USP40: variants seen among roughly 807,000 people sequenced by gnomAD.
USP40 encodes the protein ubiquitin specific peptidase 40, also known as ubiquitin carboxyl-terminal hydrolase 40.
USP40 carries 143 observed loss-of-function variants against 166.2 expected under a neutral mutation model. That is an observed-to-expected ratio of 0.86 (90% CI 0.75 to 0.99). The LOEUF is 0.99. Among genes scored for constraint, USP40 ranks in the 50% least tolerant of loss-of-function variants. The pLI, the probability that USP40 is intolerant of heterozygous loss-of-function variation, is 0.00. For missense variants in USP40, 1,444 were observed against 1,479.7 expected (o/e 0.98, Z 0.40); for synonymous variants, 498 against 524.0 (o/e 0.95, Z 0.68).
rs1193893443 is a variant in USP40 at position 233,486,822 on chromosome 2, G to A, written c.3198-845C>T. Among the ~76,000 whole-genome samples the A allele has an allele frequency of 6.6e-6, 1 of 152,214 alleles. No homozygotes were observed. The highest frequency in any genetic ancestry group is 1.5e-5 in the Non-Finnish European group (1 of 68,042). Reference sequence around the variant, plus strand: ...CACAGCCCCATGTCCCCATGGGGGAGGGGGCTGCTGGCCAGGGAGTGAGGC... The same window carrying A: ...CACAGCCCCATGTCCCCATGGGGGAAGGGGCTGCTGGCCAGGGAGTGAGGC... On this transcript the variant is annotated intron_variant, in intron 28 of 31. Transcript: ENST00000678225. This position sits in a 1 kb window ranked among gnomAD's most constrained non-coding sequence, Gnocchi z 4.0.
In USP40 at chr2:233,486,462, G is replaced by A. The variant is rs2064956595; in HGVS notation, c.3198-485C>T. Among the ~76,000 whole-genome samples the A allele has an allele frequency of 6.6e-6, 1 of 152,210 alleles. No homozygotes were observed. Among genetic ancestry groups the A allele is most frequent in the Non-Finnish European group, 1.5e-5 (1 of 68,042 alleles). ...TTGGGAAGAGAGACACAGGGCGGGT[G>A]AGACACAAGGCTGCAGCTGTGGGAG... is the stretch of plus-strand genomic sequence containing the variant. On this transcript the variant is annotated intron_variant, in intron 28 of 31. Coordinates refer to ENST00000678225, the MANE Select transcript of USP40 (RefSeq NM_001365479.2). This position sits in a 1 kb window ranked among gnomAD's most constrained non-coding sequence, Gnocchi z 4.0.
Position 233,496,805 on chromosome 2 carries a change from A to G in USP40, c.2743T>C (p.Cys915Arg), listed in dbSNP as rs1380341754. Residue 915 changes from cysteine (C) to arginine (R), a missense_variant, in exon 24 of 32, where the codon TGT (cysteine) becomes CGT (arginine). By Grantham distance (180) the Cys-to-Arg change is radical. Coordinates refer to ENST00000678225, the MANE Select transcript of USP40 (RefSeq NM_001365479.2). Reference protein sequence around the residue: ...EDATLKELLICSGDTLLLIEG... With the variant: ...EDATLKELLIRSGDTLLLIEG... ...ATTAAAAGCAAAGTATCTCCAGAAC[A>G]TATCAGAAGTTCTTTCAGTGTTGCA... is the stretch of plus-strand genomic sequence containing the variant. The G allele has an allele frequency of 2.5e-6, 4 of 1,612,394 alleles. No homozygotes were observed. Among genetic ancestry groups the G allele is most frequent in the Non-Finnish European group, 3.4e-6 (4 of 1,179,322 alleles).
chr2:233,542,571 A>C (rs2069522076), intron 8 of USP40: 1 of 410,174 alleles, frequency 2.4e-6, no homozygotes, highest in African/African-American at 2.1e-5. Context: ...AAAATTAGCC[A>C]GGAGGTTGAG....
intron 11 of USP40, among the ~76,000 whole-genome samples, chr2:233,532,077 A>C (rs141695946): frequency 6.6e-6 from 1 of 152,228 alleles, no homozygotes; most frequent in Admixed American, 6.5e-5. Context: ...CGAATCAGAC[A>C]GTGGGTGGAG....
At chr2:233,478,200 TGAG>T (rs947272347) in intron 31 of USP40, among the ~76,000 whole-genome samples, 14 of 152,348 alleles carry the variant, frequency 9.2e-5, no homozygotes, top group African/African-American at 3.4e-4. Flanking sequence ...TCCATGTTTT[TGAG>T]GAGTAGAAGG....
chr2:233,482,582 GTTTTTTTTTTTTGT>G (rs2064689902), intron 30 of USP40, among the ~76,000 whole-genome samples: 1 of 137,016 alleles, frequency 7.3e-6, no homozygotes, highest in South Asian at 2.3e-4. Flanking sequence ...TCCCACTGGA[GTTTTTTTTTTTTGT>G]TTTTTTTTTT....
In USP40 at chr2:233,524,490, A is replaced by G. The variant is rs1314100074; in HGVS notation, c.1881+2T>C. 1.9e-6 allele frequency: 3 copies of G among 1,601,258 alleles called. No homozygotes were observed. Among genetic ancestry groups the G allele is most frequent in the Non-Finnish European group, 2.6e-6 (3 of 1,174,706 alleles). On this transcript the variant is annotated splice_donor_variant, in intron 15 of 31. Coordinates refer to ENST00000678225, the MANE Select transcript of USP40 (RefSeq NM_001365479.2). LOFTEE classifies it high-confidence loss of function. ...GAATATTTCTTCAGTAATTTTTTTT[A>G]CCTCCACCCCATTCCACACAAAGAT... is the stretch of plus-strand genomic sequence containing the variant.
Position 233,477,423 on chromosome 2 carries a change from G to A in USP40, c.3680C>T (p.Ser1227Phe). 6.2e-7 allele frequency: 1 copy of A among 1,613,808 alleles called. No homozygotes were observed. Among genetic ancestry groups the A allele is most frequent in the Non-Finnish European group, 8.5e-7 (1 of 1,179,866 alleles). ...GAAGCTCCCCACGTGGATGGAGAGA[G>A]AAGTTTCCGGGGCTCGGGGCCGGGC... ...TPARPRAPETSLSIHVGSFR is the reference protein window; with the variant it reads ...TPARPRAPETFLSIHVGSFR The change falls in exon 32 of 32, where the codon TCT becomes TTT. Residue 1227 changes from serine (S) to phenylalanine (F), a missense_variant. Transcript: ENST00000678225.
At chr2:233,505,856 C>T (rs1015337902) in intron 21 of USP40, among the ~76,000 whole-genome samples, 2 of 151,802 alleles carry the variant, frequency 1.3e-5, no homozygotes, top group South Asian at 2.1e-4. Context: ...GATGTAGATT[C>T]AACAACAAAA....
rs71058563 is a variant in USP40, at chr2:233,558,001, CAAAAAA to C, written c.382-988_382-983del. Among the ~76,000 whole-genome samples the C allele has an allele frequency of 6.2e-3, 319 of 51,366 alleles. 2 individuals carry two copies. Among genetic ancestry groups the C allele is most frequent in the African/African-American group, 0.024 (287 of 12,086 alleles). The allele number at this position is 51,366 out of a possible 152,430, so 33.7% of individuals were successfully genotyped here. A position where few individuals can be genotyped will look rare whatever the true frequency, so the allele number is the denominator to read the frequency against. On this transcript the variant is annotated intron_variant, in intron 4 of 31. Coordinates refer to ENST00000678225, the MANE Select transcript of USP40 (RefSeq NM_001365479.2). Reference sequence around the variant, plus strand: ...GGCTGGTGACAGTGAGACCTCATCTCAAAAAAAAAAAAAAAAAAAAAAAAGTTTTGT... The same window carrying C: ...GGCTGGTGACAGTGAGACCTCATCTCAAAAAAAAAAAAAAAAAAGTTTTGT...
intron 10 of USP40, among the ~76,000 whole-genome samples, chr2:233,534,303 G>T (rs4047189): frequency 0.13 from 19,829 of 152,068 alleles, 1,436 homozygotes; most frequent in African/African-American, 0.2. Flanking sequence ...GCATAGTAAG[G>T]GTTAAGTCAC....
Position 233,488,266 on chromosome 2 carries a change from T to C in USP40, c.3170A>G (p.Glu1057Gly). The C allele has an allele frequency of 6.2e-7, 1 of 1,604,258 alleles. No individual in the cohort carries two copies. Among genetic ancestry groups the C allele is most frequent in the Non-Finnish European group, 8.5e-7 (1 of 1,174,872 alleles). The change falls in exon 28 of 32, where the codon GAG (glutamate) becomes GGG (glycine). Residue 1057 changes from glutamate (E) to glycine (G), a missense_variant. Physicochemically the swap from Glu to Gly is moderately conservative, Grantham distance 98 (BLOSUM62 -2). Coordinates refer to ENST00000678225, the MANE Select transcript of USP40 (RefSeq NM_001365479.2). ...KLGRRIEICL[E>G]PLQKGENLGP... ...CAAGTTTTCGCCTTTCTGAAGGGGC[T>C]CTAAGCAGATCTCAATTCTCCGTCC... is the stretch of plus-strand genomic sequence containing the variant.
intron 30 of USP40, among the ~76,000 whole-genome samples, chr2:233,482,221 G>A (rs1225286080): frequency 6.6e-6 from 1 of 152,080 alleles, no homozygotes; most frequent in African/African-American, 2.4e-5. Flanking sequence ...CATGACACAA[G>A]TTTTAAAAAT....
chr2:233,481,112 G>C (rs2064554969), intron 31 of USP40, 91 bp downstream of exon 31: 1 of 1,261,922 alleles, frequency 7.9e-7, no homozygotes, highest in African/African-American at 1.5e-5. Context: ...ATCAACAAGA[G>C]TTTCCGGTCC....
chr2:233,566,273 TC>T (rs1402191167), intron 1 of USP40, among the ~76,000 whole-genome samples: 1 of 152,010 alleles, frequency 6.6e-6, no homozygotes, highest in Non-Finnish European at 1.5e-5. Flanking sequence ...CTAGGTGACT[TC>T]CCCAAGGTTT....
At chr2:233,519,704 G>C in intron 17 of USP40, 33 bp from the exon 18 acceptor site, 2 of 1,213,144 alleles carry the variant, frequency 1.6e-6, no homozygotes. Context: ...TGACTAAGTT[G>C]TAAAAAATGG....
At chr2:233,547,118 T>C (rs1262043422) in intron 8 of USP40, 1 of 152,186 alleles carries the variant, frequency 6.6e-6, no homozygotes, top group African/African-American at 2.4e-5. Context: ...AAAACAAAAC[T>C]GTCTTTTTCC....
intron 30 of USP40, among the ~76,000 whole-genome samples, chr2:233,481,899 C>T (rs554802461): frequency 2.3e-4 from 35 of 152,300 alleles, no homozygotes; most frequent in African/African-American, 5.5e-4. Flanking sequence ...ACAGGGAGGA[C>T]GCCTCAGGGG....
At chr2:233,560,114 T>C (rs2125396475) in intron 3 of USP40, among the ~76,000 whole-genome samples, 190 bp from the exon 4 acceptor site, 1 of 152,326 alleles carries the variant, frequency 6.6e-6, no homozygotes, top group South Asian at 2.1e-4. Flanking sequence ...ATCTAAAAAA[T>C]AATAGTTATT....
Sources: allele counts gnomAD v4.1 joint callset (sites outside exome capture counted in the v4.1 genomes callset), GRCh38; gene constraint gnomAD v4.1.1; non-coding constraint Gnocchi (gnomAD v3.1); transcripts MANE v1.5; gene names NCBI Gene and HGNC (gene_info 2026-07-23, HGNC 2026-07-21).